The following ADSS1 variants were observed in gnomAD, a reference collection of about 807,000 sequenced individuals.
ADSS1 encodes the protein adenylosuccinate synthetase isozyme 1.
A neutral mutation model predicts 59.1 loss-of-function variants in ADSS1; 57 were observed. That is an observed-to-expected ratio of 0.97 (90% CI 0.78 to 1.20). The LOEUF (loss-of-function observed/expected upper bound fraction) is 1.20, where lower values mean the gene tolerates loss of function less well. Among genes scored for constraint, ADSS1 ranks in the 50% most tolerant of loss-of-function variants. ADSS1 has a pLI of 0.00. For synonymous variants in ADSS1, 247 were observed against 249.4 expected, an observed-to-expected ratio of 0.99 and a Z score of 0.09; for missense variants, 603 against 610.3, an observed-to-expected ratio of 0.99 and a Z score of 0.13.
intron 1 of ADSS1, among the ~76,000 whole-genome samples, chr14:104,733,472 C>T (rs1051725126): frequency 2.0e-5 from 3 of 152,196 alleles, no homozygotes; most frequent in East Asian, 1.9e-4. Flanking sequence ...GGGCTGTTTC[C>T]GTGTAACTCT....
At chr14:104,734,972 G>T in intron 1 of ADSS1, 48 bp from the exon 2 acceptor site, 1 of 1,543,016 alleles carries the variant, frequency 6.5e-7, no homozygotes, top group African/African-American at 1.4e-5. Context: ...ATGTCCGGGG[G>T]GTCCTCAGTA....
At chr14:104,741,380 G>A (rs1393241859) in intron 8 of ADSS1, 137 bp downstream of exon 8, 12 of 1,184,246 alleles carry the variant, frequency 1.0e-5, no homozygotes, top group African/African-American at 3.1e-5. Flanking sequence ...CCATGCCCGC[G>A]GAAATGATCC....
At chr14:104,729,352 C>T (rs1890813126) in intron 1 of ADSS1, among the ~76,000 whole-genome samples, 1 of 152,190 alleles carries the variant, frequency 6.6e-6, no homozygotes, top group East Asian at 1.9e-4. Flanking sequence ...CAGGGCAAGG[C>T]TGGGACCCGC....
At chr14:104,737,958 T>C (rs1258965478) in intron 2 of ADSS1, 1 of 231,034 alleles carries the variant, frequency 4.3e-6, no homozygotes, top group Non-Finnish European at 8.6e-6. Flanking sequence ...GCTATGAACA[T>C]AGGTGTGCCC....
chr14:104,727,928 A>G (rs1014731936), intron 1 of ADSS1, among the ~76,000 whole-genome samples: 5 of 152,186 alleles, frequency 3.3e-5, no homozygotes, highest in Admixed American at 2.6e-4. Context: ...TGCCCAGTAC[A>G]CGGGCTGAAG....
At chr14:104,728,874 C>T (rs995824802) in intron 1 of ADSS1, among the ~76,000 whole-genome samples, 3 of 152,212 alleles carry the variant, frequency 2.0e-5, no homozygotes, top group Non-Finnish European at 2.9e-5. Flanking sequence ...CCACTGTCCC[C>T]TCCTCCCCAA....
At chr14:104,730,970 G>GAT (rs1185519960) in intron 1 of ADSS1, among the ~76,000 whole-genome samples, 1 of 59,746 alleles carries the variant, frequency 1.7e-5, no homozygotes, top group Non-Finnish European at 3.7e-5. Context: ...GGGGGGGGGG[G>GAT]GGGGCTCAGT....
In ADSS1 at chr14:104,739,366, A is replaced by G; in HGVS notation, c.397A>G (p.Arg133Gly). Residue 133 changes from arginine (R) to glycine (G), a missense_variant, in exon 4 of 13, where the codon AGA (arginine) becomes GGA (glycine). Coordinates refer to ENST00000330877, the MANE Select transcript of ADSS1 (RefSeq NM_152328.5). ...GGAGAAGAGGCTCATCATCTCTGAC[A>G]GAGCCCACCTTGGTACGTTTCCCAC... ...DWEKRLIISD[R>G]AHLVFDFHQA... 17 of 1,607,508 alleles carry G rather than the reference A, an allele frequency of 1.1e-5. No homozygotes were observed. The highest frequency in any genetic ancestry group is 1.4e-5 in the Non-Finnish European group (17 of 1,177,234).
intron 2 of ADSS1, 133 bp downstream of exon 2, chr14:104,735,255 C>T (rs1462527798): frequency 2.6e-5 from 21 of 802,096 alleles, no homozygotes; most frequent in Non-Finnish European, 3.6e-5. Context: ...CCCCAGCCTC[C>T]ACCTGCCCCA....
intron 1 of ADSS1, among the ~76,000 whole-genome samples, chr14:104,725,236 C>G (rs1299238946): frequency 1.3e-5 from 2 of 152,198 alleles, no homozygotes; most frequent in Admixed American, 6.5e-5. Flanking sequence ...CTGAGCTGCA[C>G]ACTGGGCACT....
intron 1 of ADSS1, among the ~76,000 whole-genome samples, chr14:104,726,023 A>G (rs1313428017): frequency 6.6e-6 from 1 of 151,730 alleles, no homozygotes; most frequent in African/African-American, 2.4e-5. Flanking sequence ...TCGCAGCTGC[A>G]CACGGGAGCA....
In ADSS1 at chr14:104,733,133, A is replaced by G. The variant is rs141699431; in HGVS notation, c.193-1887A>G. The stretch of plus-strand genomic sequence containing the variant: ...CAGCATTAGCTCCCACAAGGCCTCC[A>G]GGTGCCCTCAGACCACCCTCCCTCC... On this transcript the variant is annotated intron_variant, in intron 1 of 12. Coordinates refer to ENST00000330877, the MANE Select transcript of ADSS1 (RefSeq NM_152328.5). Among the ~76,000 whole-genome samples, 466 of 151,214 alleles carry G rather than the reference A, an allele frequency of 3.1e-3. 3 individuals are homozygous for G. The highest frequency in any genetic ancestry group is 0.011 in the African/African-American group (445 of 41,126).
rs1222883728 is a variant in ADSS1 at position 104,740,226 on chromosome 14, CACTT to C, written c.477-372_477-369del. Among the ~76,000 whole-genome samples the C allele has an allele frequency of 1.4e-4, 21 of 152,132 alleles. No individual in the cohort carries two copies. Among genetic ancestry groups the C allele is most frequent in the Admixed American group, 1.4e-3 (21 of 15,276 alleles). ...CTGCCTCAGAGAGGTGATGGTCACACACTTACCCACTCACACTCTCACACAGGCA... is the reference window on the plus strand; with the variant it reads ...CTGCCTCAGAGAGGTGATGGTCACACACCCACTCACACTCTCACACAGGCA... On this transcript the variant is annotated intron_variant, in intron 5 of 12. Coordinates refer to ENST00000330877, the MANE Select transcript of ADSS1 (RefSeq NM_152328.5). The surrounding 1 kb of genome is among the most constrained non-coding windows in gnomAD (Gnocchi z 4.8).
rs1890655005 is a variant in ADSS1, at chr14:104,724,298, CG to C, written c.30del (p.Gly13AlafsTer21). 1 of 1,232,790 alleles carries C rather than the reference CG, an allele frequency of 8.1e-7. No individual in the cohort carries two copies. The highest frequency in any genetic ancestry group is 4.1e-5 in the South Asian group (1 of 24,538). The allele number at this position is 1,232,790 out of a possible 1,614,324, so 76.4% of individuals were successfully genotyped here. On this transcript the variant is annotated frameshift_variant, in exon 1 of 13. Coordinates refer to ENST00000330877, the MANE Select transcript of ADSS1 (RefSeq NM_152328.5). LOFTEE classifies it high-confidence loss of function. ...GTCGGGGACCCGAGCCTCCAACGAC[CG>C]GCCCCCCGGCGCAGGCGGCGTCAAG... MSGTRASNDRPPGAGGVKRG... is the reference protein window; with the variant it reads MSGTRASNDXPPGAGGVKRG...
Position 104,740,800 on chromosome 14 carries a change from G to A in ADSS1, c.585-39G>A, listed in dbSNP as rs1354152901. The A allele has an allele frequency of 6.2e-6, 10 of 1,612,750 alleles. No homozygotes were observed. The highest frequency in any genetic ancestry group is 1.6e-4 in the Middle Eastern group (1 of 6,082). On this transcript the variant is annotated intron_variant, in intron 6 of 12. Transcript: ENST00000330877. The surrounding 1 kb of genome is among the most constrained non-coding windows in gnomAD (Gnocchi z 4.8). Reference sequence around the variant, plus strand: ...GGGGAGGGCCCTGAGGACCAGCATGGACCATGACAGGGGGTGATGATGACT... The same window carrying A: ...GGGGAGGGCCCTGAGGACCAGCATGAACCATGACAGGGGGTGATGATGACT...
rs1891595013 is a variant in ADSS1 at position 104,747,100 on chromosome 14, C to T, written c.*97C>T. 1 of 1,101,606 alleles carries T rather than the reference C, an allele frequency of 9.1e-7. No homozygotes were observed. Among genetic ancestry groups the T allele is most frequent in the Non-Finnish European group, 1.3e-6 (1 of 769,208 alleles). The allele number at this position is 1,101,606 out of a possible 1,614,324, so 68.2% of individuals were successfully genotyped here. On this transcript the variant is annotated 3_prime_UTR_variant, in exon 13 of 13. Transcript: ENST00000330877. ...TCGGCCGCCACAACCAACACCAAAG[C>T]AGGAAAACCATTTTCTGTACTTTTA...
chr14:104,731,088 C>T (rs542775497), intron 1 of ADSS1, among the ~76,000 whole-genome samples: 2 of 152,064 alleles, frequency 1.3e-5, no homozygotes, highest in African/African-American at 4.8e-5. Flanking sequence ...CCACCAGGCT[C>T]CCTTGGTGCC....
At chr14:104,746,796 A>T in intron 12 of ADSS1, 155 bp from the exon 13 acceptor site, 1 of 751,490 alleles carries the variant, frequency 1.3e-6, no homozygotes, top group Non-Finnish European at 2.2e-6. Flanking sequence ...AACATGCACT[A>T]CCTTCATAAC....
At chr14:104,745,606 G>A (rs895712336) in intron 11 of ADSS1, 1 of 152,852 alleles carries the variant, frequency 6.5e-6, no homozygotes, top group Non-Finnish European at 1.5e-5. Context: ...GGAGCCATGT[G>A]TGTCCTTGCA....
Sources: gnomAD v4.1 joint callset for allele counts (sites outside exome capture counted in the v4.1 genomes callset) on GRCh38, gnomAD v4.1.1 for gene constraint, Gnocchi (gnomAD v3.1) non-coding constraint, MANE v1.5 for transcripts, NCBI Gene and HGNC (gene_info 2026-07-23, HGNC 2026-07-21) for gene names.